PRCP: variants seen among roughly 807,000 people sequenced by gnomAD.
The protein encoded by PRCP is lysosomal Pro-X carboxypeptidase.
Under a neutral mutation model 54.2 loss-of-function variants are expected in PRCP, and 46 were observed. The ratio of observed to expected loss-of-function variants is 0.85; its 90% CI spans 0.67 to 1.09. The LOEUF is 1.09. Among genes scored for constraint, PRCP ranks in the 50% least tolerant of loss-of-function variants. The pLI is 0.00. For synonymous variants in PRCP, 240 were observed against 212.2 expected (o/e 1.13, Z -1.14); for missense variants, 613 against 596.8 (o/e 1.03, Z -0.28).
chr11:82,890,389 A>G (rs991128560), intron 1 of PRCP, among the ~76,000 whole-genome samples: 2 of 152,118 alleles, frequency 1.3e-5, no homozygotes, highest in African/African-American at 2.4e-5. Context: ...ATCTGTGCCT[A>G]TATGATGTGC....
At chr11:82,901,457 AC>A (rs1860296325), upstream of PRCP, 1 of 155,690 alleles carries the variant, frequency 6.4e-6, no homozygotes, top group South Asian at 1.6e-4. Context: ...TCTTTCAGTC[AC>A]CCCGCCAGAC....
intron 8 of PRCP, among the ~76,000 whole-genome samples, chr11:82,832,597 G>A (rs1382804404): frequency 6.6e-6 from 1 of 152,166 alleles, no homozygotes; most frequent in Admixed American, 6.5e-5. Flanking sequence ...GTAGATTCTA[G>A]ATATTAGCCC....
chr11:82,897,978 A>G (rs1860156032), intron 1 of PRCP, among the ~76,000 whole-genome samples: 1 of 152,244 alleles, frequency 6.6e-6, no homozygotes, highest in Non-Finnish European at 1.5e-5. Flanking sequence ...AGTTTTAATA[A>G]TAAGTTTATT....
At chr11:82,884,049 G>A (rs1439875069) in intron 1 of PRCP, among the ~76,000 whole-genome samples, 3 of 152,152 alleles carry the variant, frequency 2.0e-5, no homozygotes, top group Admixed American at 6.5e-5. Context: ...AGAGATTTCC[G>A]ACAGTTTTAA....
At chr11:82,890,471 A>T (rs893201899) in intron 1 of PRCP, among the ~76,000 whole-genome samples, 11 of 152,082 alleles carry the variant, frequency 7.2e-5, no homozygotes, top group African/African-American at 2.7e-4. Flanking sequence ...CCTCTTGCCT[A>T]AGATATCCCA....
At chr11:82,872,086 CATT>C (rs2121213141) in intron 1 of PRCP, among the ~76,000 whole-genome samples, 1 of 152,224 alleles carries the variant, frequency 6.6e-6, no homozygotes, top group South Asian at 2.1e-4. Context: ...GTTTATTATT[CATT>C]ATTGTTGTTA....
chr11:82,837,149 C>T (rs1365915808), intron 8 of PRCP: 5 of 211,854 alleles, frequency 2.4e-5, no homozygotes, highest in South Asian at 1.8e-4. Context: ...GAAAGTTGTC[C>T]TTCTCAATGT....
chr11:82,832,145 C>A (rs528268098), intron 8 of PRCP, among the ~76,000 whole-genome samples: 1 of 152,082 alleles, frequency 6.6e-6, no homozygotes, highest in Non-Finnish European at 1.5e-5. Context: ...AGTTCCAAGT[C>A]TCTGCTATTG....
chr11:82,865,945 T>C (rs1859322901), intron 1 of PRCP, among the ~76,000 whole-genome samples: 3 of 152,028 alleles, frequency 2.0e-5, no homozygotes, highest in South Asian at 2.1e-4. Flanking sequence ...AGATCTACAG[T>C]TGGAGAAGGA....
At chr11:82,857,484 G>GA (rs1220481422) in intron 2 of PRCP, among the ~76,000 whole-genome samples, 2 of 152,190 alleles carry the variant, frequency 1.3e-5, no homozygotes, top group Non-Finnish European at 2.9e-5. Flanking sequence ...CTCCTTGCTA[G>GA]AACCATCTAT....
chr11:82,891,926 T>C (rs1042730975), intron 1 of PRCP, among the ~76,000 whole-genome samples: 1 of 152,248 alleles, frequency 6.6e-6, no homozygotes, highest in African/African-American at 2.4e-5. Context: ...TTCCATTTTA[T>C]AGACATACCA....
intron 1 of PRCP, among the ~76,000 whole-genome samples, chr11:82,861,685 A>T (rs1859210715): frequency 6.6e-6 from 1 of 152,220 alleles, no homozygotes; most frequent in Admixed American, 6.5e-5. Flanking sequence ...CAAGTTGAAG[A>T]TATTTCAAAG....
intron 1 of PRCP, 79 bp downstream of exon 1, chr11:82,900,156 A>G (rs1339924346): frequency 1.3e-6 from 2 of 1,526,294 alleles, no homozygotes; most frequent in African/African-American, 2.8e-5. Context: ...ATTTCGAGGT[A>G]GGCTCCGTTG....
chr11:82,860,191 C>A, intron 1 of PRCP, 74 bp from the exon 2 acceptor site: 4 of 1,090,972 alleles, frequency 3.7e-6, no homozygotes, highest in Non-Finnish European at 4.8e-6. Flanking sequence ...GTAATTAATT[C>A]TTCCATTAAA....
chr11:82,881,329 A>G (rs1445758131), intron 1 of PRCP, among the ~76,000 whole-genome samples: 1 of 152,188 alleles, frequency 6.6e-6, no homozygotes, highest in Admixed American at 6.5e-5. Flanking sequence ...TGTGCTCTCT[A>G]CTTGAGGGAC....
chr11:82,874,070 A>C (rs1469690082), intron 1 of PRCP, among the ~76,000 whole-genome samples: 1 of 152,218 alleles, frequency 6.6e-6, no homozygotes, highest in Non-Finnish European at 1.5e-5. Context: ...TGGCGCTGTA[A>C]AAAAGATAAA....
Position 82,898,586 on chromosome 11 carries a change from T to C in PRCP, c.168+1649A>G, listed in dbSNP as rs912889684. On this transcript the variant is annotated intron_variant, in intron 1 of 8. Transcript: ENST00000313010. ...CTGAAAGAGATCCAAGAGAGGGTAC[T>C]AGAGCACCTAATTTGGCCTCCACTT... is the stretch of plus-strand genomic sequence containing the variant. Among the ~76,000 whole-genome samples the C allele has an allele frequency of 6.6e-5, 10 of 152,326 alleles. No individual in the cohort carries two copies. In the East Asian group the frequency reaches 1.7e-3, roughly 26 times the overall value.
intron 6 of PRCP, among the ~76,000 whole-genome samples, chr11:82,844,658 G>A (rs767306848): frequency 2.1e-5 from 3 of 144,364 alleles, no homozygotes; most frequent in South Asian, 4.5e-4. Flanking sequence ...GCTTGAACCC[G>A]GGAGGCAGAG....
At chr11:82,899,253 C>G (rs938409871) in intron 1 of PRCP, among the ~76,000 whole-genome samples, 2 of 152,198 alleles carry the variant, frequency 1.3e-5, no homozygotes, top group African/African-American at 4.8e-5. Context: ...TGAGTGCCTA[C>G]TTGAAGCCAG....
Sources: allele counts gnomAD v4.1 joint callset (sites outside exome capture counted in the v4.1 genomes callset), GRCh38; gene constraint gnomAD v4.1.1; transcripts MANE v1.5; gene names NCBI Gene and HGNC (gene_info 2026-07-23, HGNC 2026-07-21).